The following HACE1 variants were observed in gnomAD, a reference collection of about 807,000 sequenced individuals.
The protein encoded by HACE1 is HECT domain and ankyrin repeat containing E3 ubiquitin protein ligase 1, also known as E3 ubiquitin-protein ligase HACE1.
Under a neutral mutation model 118.4 loss-of-function variants are expected in HACE1, and 73 were observed. The ratio of observed to expected loss-of-function variants is 0.62; its 90% confidence interval spans 0.51 to 0.75. The LOEUF (loss-of-function observed/expected upper bound fraction) is 0.75, where lower values mean the gene tolerates loss of function less well. HACE1 is among the 30% of genes least tolerant of loss of function. The pLI is 0.00. For missense variants in HACE1, 749 were observed against 1,102.2 expected (o/e 0.68, Z 4.54); for synonymous variants, 368 against 374.8 (o/e 0.98, Z 0.21).
At position 104,796,715 on chromosome 6, in the gene HACE1, G is replaced by T. The variant is rs771561621; in HGVS notation, c.756C>A (p.His252Gln). The change falls in exon 9 of 24, where the codon CAC becomes CAA. Residue 252 changes from histidine to glutamine, a missense_variant. His to Gln is a conservative substitution (Grantham distance 24, BLOSUM62 0). Transcript: ENST00000262903. ...GAATAATAGTCTGAAAAAGCCTCGG[G>T]TGATATTGAATTAATACTTCACAAG... is the stretch of plus-strand genomic sequence containing the variant. ...GETCEVLIQY[H>Q]PRLFQTIIQM... 2 of 1,593,656 alleles carry T rather than the reference G, an allele frequency of 1.3e-6. No homozygotes were observed. Among genetic ancestry groups the T allele is most frequent in the Non-Finnish European group, 1.7e-6 (2 of 1,162,352 alleles).
At chr6:104,756,425 AAATAT>A (rs1246294152) in intron 19 of HACE1, among the ~76,000 whole-genome samples, 2,015 of 109,432 alleles carry the variant, frequency 0.018, 34 homozygotes, top group African/African-American at 0.065. Context: ...AAAAAAAAAA[AAATAT>A]ATATATATAT....
At chr6:104,737,570 C>CGG (rs576535412) in intron 22 of HACE1, among the ~76,000 whole-genome samples, 18 of 152,256 alleles carry the variant, frequency 1.2e-4, no homozygotes, top group African/African-American at 3.8e-4. Context: ...GGGTGACAGA[C>CGG]GGCACCTAGA....
intron 22 of HACE1, among the ~76,000 whole-genome samples, chr6:104,737,467 G>A (rs946124899): frequency 6.6e-6 from 1 of 152,072 alleles, no homozygotes; most frequent in Non-Finnish European, 1.5e-5. Context: ...GTCAGTGGGT[G>A]TGCGCACCGT....
In HACE1 at chr6:104,806,725, TTGAGA is replaced by T. The variant is rs553756458; in HGVS notation, c.617+4581_617+4585del. ...GATAGTCTCAATTTTTTAATATTGA[TTGAGA>T]TAATACTCTCTTCAAGAAATTGCCA... On this transcript the variant is annotated intron_variant, in intron 7 of 23. Coordinates refer to ENST00000262903, the MANE Select transcript of HACE1 (RefSeq NM_020771.4). 6.6e-5 allele frequency among the ~76,000 whole-genome samples: 10 copies of T among 152,296 alleles called. No individual in the cohort carries two copies. In the South Asian group the frequency reaches 2.1e-3, roughly 32 times the overall value.
At position 104,859,861 on chromosome 6, in the gene HACE1, G is replaced by C. The variant is rs1777150316; in HGVS notation, c.-219C>G. 1 of 500,518 alleles carries C rather than the reference G, an allele frequency of 2.0e-6. No individual in the cohort carries two copies. Among genetic ancestry groups the C allele is most frequent in the African/African-American group, 2.1e-5 (1 of 48,516 alleles). 31.0% of individuals were successfully genotyped at this position (500,518 alleles called of 1,614,324 possible). On this transcript the variant is annotated 5_prime_UTR_variant, in exon 1 of 24. Transcript: ENST00000262903. ...CTACAGTACACCCGCCGCCGCCTCT[G>C]CTCGCGCCTTTCCTGCAGCCCCCGC...
intron 6 of HACE1, among the ~76,000 whole-genome samples, chr6:104,816,313 G>C (rs543820774): frequency 6.6e-6 from 1 of 152,320 alleles, no homozygotes; most frequent in East Asian, 1.9e-4. Flanking sequence ...GGGGAAAATG[G>C]CTTCACAGGC....
intron 11 of HACE1, among the ~76,000 whole-genome samples, chr6:104,788,218 T>A (rs1782643555): frequency 6.6e-6 from 1 of 152,128 alleles, no homozygotes; most frequent in Admixed American, 6.5e-5. Context: ...AGAAACACCA[T>A]ACATACCATT....
chr6:104,849,390 G>A (rs1202109354), intron 3 of HACE1, 144 bp from the exon 4 acceptor site: 4 of 684,818 alleles, frequency 5.8e-6, no homozygotes, highest in African/African-American at 1.8e-5. Context: ...ATGCTGGAGT[G>A]CAGTGGCACC....
chr6:104,753,204 T>C (rs1019067496), intron 19 of HACE1, among the ~76,000 whole-genome samples: 1 of 152,184 alleles, frequency 6.6e-6, no homozygotes, highest in African/African-American at 2.4e-5. Context: ...AGAAATACAC[T>C]GGCTAAGGGT....
chr6:104,816,453 C>T (rs1259056580), intron 6 of HACE1, among the ~76,000 whole-genome samples: 1 of 152,250 alleles, frequency 6.6e-6, no homozygotes. Context: ...TTAGAGGGTG[C>T]AAGCCCAAGC....
intron 1 of HACE1, chr6:104,859,305 G>T (rs1777064428): frequency 2.2e-6 from 1 of 453,884 alleles, no homozygotes; most frequent in Non-Finnish European, 3.9e-6. Flanking sequence ...ATCGACAGAC[G>T]TTGCGAGACC....
chr6:104,737,282 C>CAAAAAAAAAAA (rs59915070), intron 22 of HACE1, among the ~76,000 whole-genome samples: 7 of 42,708 alleles, frequency 1.6e-4, no homozygotes, highest in African/African-American at 5.2e-4. Context: ...GACTCTCTCT[C>CAAAAAAAAAAA]AAAAAAAAAA....
chr6:104,743,131 G>A (rs1776981428), intron 22 of HACE1, among the ~76,000 whole-genome samples: 1 of 140,716 alleles, frequency 7.1e-6, no homozygotes, highest in Non-Finnish European at 1.5e-5. Context: ...ATGGACACAG[G>A]AAGGGGAATA....
intron 6 of HACE1, among the ~76,000 whole-genome samples, chr6:104,821,033 T>C (rs1363272145): frequency 2.6e-5 from 4 of 152,146 alleles, no homozygotes; most frequent in Non-Finnish European, 5.9e-5. Context: ...ACAATGTCCT[T>C]TTCAGGGACA....
chr6:104,859,543 G>A (rs1244057608), intron 1 of HACE1, 24 bp downstream of exon 1: 1 of 1,504,058 alleles, frequency 6.6e-7, no homozygotes. Context: ...CCCGCGGCCA[G>A]CCTGGCCCCG....
chr6:104,756,406 C>A (rs1436837031), intron 19 of HACE1, among the ~76,000 whole-genome samples: 5 of 90,128 alleles, frequency 5.5e-5, no homozygotes, highest in African/African-American at 1.9e-4. Context: ...AGCCAGATTC[C>A]ATCTCAAAAA....
intron 7 of HACE1, among the ~76,000 whole-genome samples, chr6:104,804,580 T>C (rs1000805697): frequency 6.6e-6 from 1 of 152,178 alleles, no homozygotes; most frequent in African/African-American, 2.4e-5. Context: ...ATCTGATCTT[T>C]GACAAACCTG....
At chr6:104,799,376 G>A (rs1174201587) in intron 7 of HACE1, among the ~76,000 whole-genome samples, 1 of 152,144 alleles carries the variant, frequency 6.6e-6, no homozygotes, top group Non-Finnish European at 1.5e-5. Flanking sequence ...TAGTCAGTTG[G>A]GTGATTTCTC....
chr6:104,758,765 G>T (rs972117819), intron 19 of HACE1, among the ~76,000 whole-genome samples: 16 of 151,978 alleles, frequency 1.1e-4, no homozygotes, highest in Middle Eastern at 6.3e-3. Context: ...AAATTGGATA[G>T]AGTCAAGACC....
Sources: allele counts gnomAD v4.1 joint callset (sites outside exome capture counted in the v4.1 genomes callset), GRCh38; gene constraint gnomAD v4.1.1; transcripts MANE v1.5; gene names NCBI Gene and HGNC (gene_info 2026-07-23, HGNC 2026-07-21).